Variants in SCN8A observed in about 807,000 individuals in gnomAD.
The protein encoded by SCN8A is sodium voltage-gated channel alpha subunit 8, also known as sodium channel protein type 8 subunit alpha.
Under a neutral mutation model 184.1 loss-of-function variants are expected in SCN8A, and 30 were observed. That is an observed-to-expected ratio of 0.16 (90% CI 0.12 to 0.22). The LOEUF (loss-of-function observed/expected upper bound fraction) is 0.22. Ranked by LOEUF, SCN8A falls within the 10% of genes least tolerant of loss-of-function variation. The probability of loss-of-function intolerance (pLI) is 1.00; values close to 1 mark genes in which losing one functional copy is unlikely to be tolerated. For missense variants in SCN8A, 1,057 were observed against 2,498.9 expected, an observed-to-expected ratio of 0.42 and a Z score of 12.30; for synonymous variants, 852 against 907.0, an observed-to-expected ratio of 0.94 and a Z score of 1.09.
chr12:51,776,415 A>C (rs1056006050), intron 20 of SCN8A, among the ~76,000 whole-genome samples: 1 of 152,246 alleles, frequency 6.6e-6, no homozygotes. Context: ...GTGGTGCCCA[A>C]CTGGCTCCTG....
At chr12:51,799,707 C>T (rs1938501779) in intron 26 of SCN8A, among the ~76,000 whole-genome samples, 1 of 152,202 alleles carries the variant, frequency 6.6e-6, no homozygotes, top group Non-Finnish European at 1.5e-5. Context: ...TTTCAGGTGA[C>T]TCAATAAATG....
At chr12:51,776,873 C>T (rs1050150819) in intron 20 of SCN8A, among the ~76,000 whole-genome samples, 2 of 152,202 alleles carry the variant, frequency 1.3e-5, no homozygotes, top group African/African-American at 4.8e-5. Context: ...TTCCTTGTTG[C>T]CTCTTAAAGC....
At chr12:51,689,145 C>A in intron 6 of SCN8A, 49 bp downstream of exon 6, 1 of 1,346,642 alleles carries the variant, frequency 7.4e-7, no homozygotes, top group Non-Finnish European at 1.0e-6. Flanking sequence ...TCCTCTTTCT[C>A]CTCCATTCGT....
chr12:51,724,355 G>A (rs941600739), intron 12 of SCN8A, among the ~76,000 whole-genome samples: 1 of 152,108 alleles, frequency 6.6e-6, no homozygotes, highest in Non-Finnish European at 1.5e-5. Flanking sequence ...GCCAAGGCAC[G>A]AGAATCACTT....
At chr12:51,784,730 TTA>T (rs1199864706) in intron 21 of SCN8A, among the ~76,000 whole-genome samples, 2 of 152,172 alleles carry the variant, frequency 1.3e-5, no homozygotes, top group African/African-American at 4.8e-5. Flanking sequence ...TCTATATACT[TTA>T]TGAGAATAAA....
chr12:51,751,278 T>A (rs1432397459), intron 13 of SCN8A, 77 bp from the exon 14 acceptor site: 1 of 910,278 alleles, frequency 1.1e-6, no homozygotes, highest in Non-Finnish European at 1.7e-6. Flanking sequence ...ACAGTGATAA[T>A]GACTGAGAGT....
chr12:51,684,315 A>C, intron 3 of SCN8A, 23 bp downstream of exon 3: 1 of 1,109,764 alleles, frequency 9.0e-7, no homozygotes, highest in Non-Finnish European at 1.4e-6. Flanking sequence ...GCAAATGTGG[A>C]GTGAGTGCGG....
At chr12:51,740,929 C>T (rs572900905) in intron 12 of SCN8A, among the ~76,000 whole-genome samples, 1 of 152,258 alleles carries the variant, frequency 6.6e-6, no homozygotes, top group South Asian at 2.1e-4. Context: ...GGACTACAGG[C>T]ATGCACCACC....
intron 12 of SCN8A, among the ~76,000 whole-genome samples, chr12:51,743,686 G>A (rs385731): frequency 0.88 from 134,595 of 152,224 alleles, 59,734 homozygotes; most frequent in East Asian, 0.98. Flanking sequence ...GCTGCCACCT[G>A]TGTTCACTCA....
At chr12:51,736,434 G>T (rs952381057) in intron 12 of SCN8A, among the ~76,000 whole-genome samples, 4 of 152,226 alleles carry the variant, frequency 2.6e-5, no homozygotes. Flanking sequence ...GTCCTCGAGG[G>T]TTAACTCCTC....
intron 20 of SCN8A, 121 bp from the exon 21 acceptor site, chr12:51,780,528 G>A (rs182992948): frequency 2.9e-6 from 2 of 680,504 alleles, no homozygotes; most frequent in Non-Finnish European, 4.1e-6. Flanking sequence ...CAGTGCTAGG[G>A]GCTTTATTCT....
chr12:51,670,877 G>T (rs1941118726), intron 2 of SCN8A, among the ~76,000 whole-genome samples: 1 of 152,106 alleles, frequency 6.6e-6, no homozygotes. Context: ...TATATGCCGG[G>T]GCTCTGTTCC....
intron 1 of SCN8A, among the ~76,000 whole-genome samples, chr12:51,599,400 A>C (rs1007516896): frequency 6.6e-6 from 1 of 152,200 alleles, no homozygotes; most frequent in African/African-American, 2.4e-5. Flanking sequence ...TTGATGGAAG[A>C]AGCATGATTT....
At chr12:51,756,128 C>G (rs1232172466) in intron 14 of SCN8A, among the ~76,000 whole-genome samples, 1 of 152,128 alleles carries the variant, frequency 6.6e-6, no homozygotes, top group East Asian at 1.9e-4. Flanking sequence ...CAGACTCTCC[C>G]CTGACATAGA....
intron 6 of SCN8A, among the ~76,000 whole-genome samples, chr12:51,693,896 A>G (rs1203622628): frequency 1.3e-5 from 2 of 152,166 alleles, no homozygotes; most frequent in African/African-American, 4.8e-5. Flanking sequence ...GCTACAAACT[A>G]GGGAATATGA....
At chr12:51,700,027 G>A (rs1011997264) in intron 7 of SCN8A, among the ~76,000 whole-genome samples, 8 of 152,038 alleles carry the variant, frequency 5.3e-5, no homozygotes, top group Non-Finnish European at 1.2e-4. Context: ...TTAGCCAGGC[G>A]TGGTGGCACA....
chr12:51,615,323 G>A (rs558580078), intron 1 of SCN8A, among the ~76,000 whole-genome samples: 1 of 152,306 alleles, frequency 6.6e-6, no homozygotes, highest in African/African-American at 2.4e-5. Context: ...GGGAGGCCAA[G>A]GTGGGCAGAT....
chr12:51,693,797 T>C (rs1368717578), intron 6 of SCN8A, among the ~76,000 whole-genome samples: 1 of 152,230 alleles, frequency 6.6e-6, no homozygotes, highest in South Asian at 2.1e-4. Flanking sequence ...TGAGAACTGC[T>C]TGTTATTGCT....
chr12:51,779,517 G>T (rs1210759722), intron 20 of SCN8A, among the ~76,000 whole-genome samples: 1 of 152,194 alleles, frequency 6.6e-6, no homozygotes, highest in African/African-American at 2.4e-5. Context: ...ACTCTGGATT[G>T]TCCAGATAGT....
Sources: gnomAD v4.1 joint callset for allele counts (sites outside exome capture counted in the v4.1 genomes callset) on GRCh38, gnomAD v4.1.1 for gene constraint, MANE v1.5 for transcripts, NCBI Gene and HGNC (gene_info 2026-07-23, HGNC 2026-07-21) for gene names.